Variants in RBM25 observed in about 807,000 individuals in gnomAD.
RBM25 encodes RNA-binding protein 25.
RBM25 carries 19 observed loss-of-function variants against 120.7 expected under a neutral mutation model. The ratio of observed to expected loss-of-function variants is 0.16; its 90% CI spans 0.11 to 0.23. RBM25 has a LOEUF of 0.23. Among genes scored for constraint, RBM25 ranks in the 10% least tolerant of loss-of-function variants. The probability of loss-of-function intolerance (pLI) is 1.00; values close to 1 mark genes in which losing one functional copy is unlikely to be tolerated. For missense variants in RBM25, 605 were observed against 1,041.5 expected (o/e 0.58, Z 5.77); for synonymous variants, 390 against 326.7 (o/e 1.19, Z -2.09).
chr14:73,109,285 GT>G, intron 13 of RBM25, 56 bp from the exon 14 acceptor site: 1 of 1,552,160 alleles, frequency 6.4e-7, no homozygotes, highest in Non-Finnish European at 8.7e-7. Context: ...GAGATGTCAT[GT>G]TTACTTCTCA....
intron 6 of RBM25, among the ~76,000 whole-genome samples, chr14:73,092,909 TCTTGTCAAACAA>T (rs1325968307): frequency 2.6e-5 from 4 of 152,202 alleles, no homozygotes; most frequent in African/African-American, 9.7e-5. Context: ...GTGTAAGGTG[TCTTGTCAAACAA>T]CTTGACTGAA....
rs60434543 is a variant in RBM25, at chr14:73,114,057, G to A, written c.2392-229G>A. Among the ~76,000 whole-genome samples the A allele has an allele frequency of 5.8e-3, 879 of 151,446 alleles. 14 individuals carry two copies. The highest frequency in any genetic ancestry group is 0.021 in the African/African-American group (844 of 40,766). Reference sequence around the variant, plus strand: ...TAATTATTGTGGCATTAAAACTTGTGTGAGATTTGACTTAAAATTAGACTA... The same window carrying A: ...TAATTATTGTGGCATTAAAACTTGTATGAGATTTGACTTAAAATTAGACTA... On this transcript the variant is annotated intron_variant, in intron 17 of 18. Transcript: ENST00000261973.
intron 18 of RBM25, among the ~76,000 whole-genome samples, chr14:73,117,794 T>G (rs1163207161): frequency 6.6e-6 from 1 of 152,148 alleles, no homozygotes; most frequent in African/African-American, 2.4e-5. Context: ...AGAGATTGAG[T>G]ACTCTAAATT....
chr14:73,080,263 G>GC (rs1277394967), intron 4 of RBM25, among the ~76,000 whole-genome samples: 1 of 110,376 alleles, frequency 9.1e-6, no homozygotes, highest in Non-Finnish European at 1.7e-5. Flanking sequence ...TTGCTCTGTC[G>GC]CCCAGGCTGT....
intron 6 of RBM25, among the ~76,000 whole-genome samples, chr14:73,092,826 CA>C (rs2140445285): frequency 6.6e-6 from 1 of 152,234 alleles, no homozygotes; most frequent in South Asian, 2.1e-4. Context: ...TTCGGCCTCC[CA>C]AAGTGCTGGG....
intron 10 of RBM25, among the ~76,000 whole-genome samples, chr14:73,104,864 C>T (rs900007786): frequency 6.6e-6 from 1 of 152,186 alleles, no homozygotes; most frequent in East Asian, 1.9e-4. Flanking sequence ...GGTCATTTCA[C>T]CTAGTTGCTA....
chr14:73,067,541 A>G lies in RBM25; in HGVS notation c.-15-4086A>G, dbSNP rs557313650. Among the ~76,000 whole-genome samples, 3 of 150,512 alleles carry G rather than the reference A, an allele frequency of 2.0e-5. No individual in the cohort carries two copies. In the South Asian group the frequency reaches 6.3e-4, roughly 32 times the overall value. ...CTGCCTTAGCCTCCCAAGAGCTGGG[A>G]CTACAGGCATGTGCCACCACGCCTG... On this transcript the variant is annotated intron_variant, in intron 1 of 18. Transcript: ENST00000261973.
rs1037557975 is a variant in RBM25 at position 73,120,078 on chromosome 14, A to T, written c.*273A>T. 6 of 255,442 alleles carry T rather than the reference A, an allele frequency of 2.3e-5. No individual in the cohort carries two copies. The highest frequency in any genetic ancestry group is 1.2e-4 in the African/African-American group (5 of 43,226). The allele number at this position is 255,442 out of a possible 1,614,324, so 15.8% of individuals were successfully genotyped here. A position where few individuals can be genotyped will look rare whatever the true frequency, so the allele number is the denominator to read the frequency against. ...TACTGTACACAGCCTATCTGATATAATCTTGTTCTGCTGATTTGTTTCTTG... is the reference window on the plus strand; with the variant it reads ...TACTGTACACAGCCTATCTGATATATTCTTGTTCTGCTGATTTGTTTCTTG... On this transcript the variant is annotated 3_prime_UTR_variant, in exon 19 of 19. Coordinates refer to ENST00000261973, the MANE Select transcript of RBM25 (RefSeq NM_021239.3).
intron 6 of RBM25, among the ~76,000 whole-genome samples, chr14:73,089,140 T>A (rs908229706): frequency 2.0e-5 from 3 of 151,956 alleles, no homozygotes; most frequent in African/African-American, 7.3e-5. Flanking sequence ...AAACTCTGTC[T>A]CCCTGCTGCC....
chr14:73,122,210 T>C lies in RBM25; in HGVS notation c.*2405T>C, dbSNP rs1034100874. 1.3e-5 allele frequency: 2 copies of C among 151,726 alleles called. No homozygotes were observed. Among genetic ancestry groups the C allele is most frequent in the African/African-American group, 4.8e-5 (2 of 41,402 alleles). The allele number at this position is 151,726 out of a possible 1,614,324, so 9.4% of individuals were successfully genotyped here. On this transcript the variant is annotated 3_prime_UTR_variant, in exon 19 of 19. Coordinates refer to ENST00000261973, the MANE Select transcript of RBM25 (RefSeq NM_021239.3). ...TTTAGTTTGAAAACCTTATACAGTA[T>C]GAATTCATTTTGCCATTTCAAGTTG... is the stretch of plus-strand genomic sequence containing the variant.
intron 6 of RBM25, among the ~76,000 whole-genome samples, chr14:73,091,895 A>G (rs1301520063): frequency 6.6e-6 from 1 of 152,072 alleles, no homozygotes; most frequent in Non-Finnish European, 1.5e-5. Flanking sequence ...AAGCGAAGTT[A>G]CATGCAATAA....
chr14:73,089,156 A>G (rs1443992232), intron 6 of RBM25, among the ~76,000 whole-genome samples: 1 of 152,174 alleles, frequency 6.6e-6, no homozygotes. Flanking sequence ...CTGCCAAAAA[A>G]GAAAAAAGAA....
chr14:73,090,342 T>A (rs1338251782), intron 6 of RBM25, among the ~76,000 whole-genome samples: 1 of 152,138 alleles, frequency 6.6e-6, no homozygotes, highest in African/African-American at 2.4e-5. Flanking sequence ...TGAGCCACCG[T>A]GCCCGGCCAT....
At chr14:73,114,012 ACT>A (rs1566602274) in intron 17 of RBM25, among the ~76,000 whole-genome samples, 2 of 152,020 alleles carry the variant, frequency 1.3e-5, no homozygotes, top group African/African-American at 2.4e-5. Flanking sequence ...CAGTAAATTT[ACT>A]CTGTCTTCTC....
At chr14:73,117,126 A>G (rs1205347538) in intron 18 of RBM25, among the ~76,000 whole-genome samples, 5 of 151,768 alleles carry the variant, frequency 3.3e-5, no homozygotes, top group Non-Finnish European at 5.9e-5. Context: ...GCTCATAGAA[A>G]TCTGATCAAA....
rs1237139281 is a variant in RBM25, at chr14:73,120,047, C to T, written c.*242C>T. On this transcript the variant is annotated 3_prime_UTR_variant, in exon 19 of 19. Coordinates refer to ENST00000261973, the MANE Select transcript of RBM25 (RefSeq NM_021239.3). ...CAAATTACTGGTATGTTTTATAAGC[C>T]GCAGCTACTGTACACAGCCTATCTG... The T allele has an allele frequency of 7.1e-6, 3 of 420,606 alleles. No homozygotes were observed. Among genetic ancestry groups the T allele is most frequent in the African/African-American group, 2.1e-5 (1 of 46,958 alleles). 26.1% of individuals were successfully genotyped at this position (420,606 alleles called of 1,614,324 possible). A position where few individuals can be genotyped will look rare whatever the true frequency, so the allele number is the denominator to read the frequency against.
intron 2 of RBM25, 46 bp from the exon 3 acceptor site, chr14:73,076,273 T>C: frequency 2.7e-6 from 4 of 1,475,044 alleles, no homozygotes; most frequent in Non-Finnish European, 3.8e-6. Context: ...ATGTTGTTGA[T>C]AGAGAATGCA....
chr14:73,081,827 C>T (rs934944946), intron 4 of RBM25, among the ~76,000 whole-genome samples: 3 of 152,182 alleles, frequency 2.0e-5, no homozygotes, highest in Non-Finnish European at 2.9e-5. Flanking sequence ...ATTCTGAATG[C>T]TCTTTGTGTG....
At chr14:73,097,897 GA>G (rs1440828307) in intron 7 of RBM25, among the ~76,000 whole-genome samples, 1 of 152,186 alleles carries the variant, frequency 6.6e-6, no homozygotes, top group Non-Finnish European at 1.5e-5. Context: ...CAGGTTGAAA[GA>G]AAAGGTTTAG....
Sources: gnomAD v4.1 joint callset for allele counts (sites outside exome capture counted in the v4.1 genomes callset) on GRCh38, gnomAD v4.1.1 for gene constraint, MANE v1.5 for transcripts, NCBI Gene and HGNC (gene_info 2026-07-23, HGNC 2026-07-21) for gene names.